Variants in MACROD2 observed in about 807,000 individuals in gnomAD.
The protein encoded by MACROD2 is mono-ADP ribosylhydrolase 2.
A neutral mutation model predicts 70.4 loss-of-function variants in MACROD2; 36 were observed. That is an observed-to-expected ratio of 0.51 (90% CI 0.39 to 0.68). The LOEUF (loss-of-function observed/expected upper bound fraction) is 0.68. Ranked by LOEUF, MACROD2 falls within the 30% of genes least tolerant of loss-of-function variation. MACROD2 has a pLI of 0.00. For missense variants in MACROD2, 496 were observed against 538.4 expected, an observed-to-expected ratio of 0.92 and a Z score of 0.78; for synonymous variants, 172 against 178.8, an observed-to-expected ratio of 0.96 and a Z score of 0.30.
intron 3 of MACROD2, among the ~76,000 whole-genome samples, chr20:14,382,091 T>C (rs1403289675): frequency 2.8e-5 from 4 of 144,476 alleles, no homozygotes; most frequent in African/African-American, 7.8e-5. Flanking sequence ...AGATGGAGTC[T>C]CGCTCTGTCG....
In MACROD2 at chr20:15,503,900, T is replaced by C. The variant is rs146499610; in HGVS notation, c.645+4053T>C. ...CTATGTAATGTGAGTCTCCCATCAGTGCTCATGCTTTTCTTATTCAGCTGA... is the reference window on the plus strand; with the variant it reads ...CTATGTAATGTGAGTCTCCCATCAGCGCTCATGCTTTTCTTATTCAGCTGA... On this transcript the variant is annotated intron_variant, in intron 8 of 17. Coordinates refer to ENST00000684519, the MANE Select transcript of MACROD2 (RefSeq NM_001351661.2). Among the ~76,000 whole-genome samples the C allele has an allele frequency of 3.3e-5, 5 of 152,342 alleles. No individual in the cohort carries two copies. In the East Asian group the frequency reaches 9.6e-4, roughly 29 times the overall value.
intron 4 of MACROD2, among the ~76,000 whole-genome samples, chr20:14,636,071 ATTTATCTTCATG>A (rs976773813): frequency 1.3e-4 from 20 of 152,262 alleles, no homozygotes; most frequent in Middle Eastern, 3.4e-3. Context: ...TTCAAGGTTT[ATTTATCTTCATG>A]TTTACTTGAT....
chr20:14,027,552 G>A (rs746076231), intron 2 of MACROD2, among the ~76,000 whole-genome samples: 6 of 152,072 alleles, frequency 3.9e-5, no homozygotes, highest in South Asian at 2.1e-4. Flanking sequence ...TCTGGTTTTC[G>A]GAATTTTCAG....
chr20:15,607,786 G>A (rs536948291), intron 8 of MACROD2, among the ~76,000 whole-genome samples: 221 of 152,200 alleles, frequency 1.5e-3, no homozygotes, highest in African/African-American at 5.1e-3. Flanking sequence ...TACCCGCCTC[G>A]GCCTCCCAAA....
At chr20:14,827,153 G>T (rs1419999931) in intron 5 of MACROD2, among the ~76,000 whole-genome samples, 1 of 152,010 alleles carries the variant, frequency 6.6e-6, no homozygotes, top group East Asian at 1.9e-4. Context: ...TGCTGTTATG[G>T]AACTACTTTG....
intron 5 of MACROD2, among the ~76,000 whole-genome samples, chr20:15,072,312 A>C (rs1021743465): frequency 6.6e-6 from 1 of 152,200 alleles, no homozygotes; most frequent in Non-Finnish European, 1.5e-5. Flanking sequence ...GTATTTAAAA[A>C]ATAATTCATG....
At chr20:14,240,291 ATAACT>A (rs2081917413) in intron 3 of MACROD2, among the ~76,000 whole-genome samples, 2 of 152,220 alleles carry the variant, frequency 1.3e-5, no homozygotes, top group African/African-American at 4.8e-5. Context: ...GATTTCCAAA[ATAACT>A]TAAAACAGAA....
At chr20:14,407,215 T>G (rs1439038829) in intron 3 of MACROD2, among the ~76,000 whole-genome samples, 2 of 152,140 alleles carry the variant, frequency 1.3e-5, no homozygotes, top group African/African-American at 2.4e-5. Context: ...CTATTTTCTC[T>G]ATTTTTGTTT....
intron 8 of MACROD2, among the ~76,000 whole-genome samples, chr20:15,674,741 ATGTGTGTGTGTGTTGTGTGTGTGTG>A (rs2050032419): frequency 7.5e-6 from 1 of 134,118 alleles, no homozygotes; most frequent in Admixed American, 7.8e-5. Flanking sequence ...GTGTGTGTCT[ATGTGTGTGTGTGTTGTGTGTGTGTG>A]TGTGTGTGTG....
intron 4 of MACROD2, among the ~76,000 whole-genome samples, chr20:14,631,517 T>A (rs1387318143): frequency 2.0e-5 from 3 of 152,200 alleles, no homozygotes; most frequent in Non-Finnish European, 2.9e-5. Context: ...ACGCCTGTAA[T>A]CCCAGCACTT....
chr20:14,539,428 A>G (rs1348247147), intron 4 of MACROD2, among the ~76,000 whole-genome samples: 1 of 152,094 alleles, frequency 6.6e-6, no homozygotes, highest in African/African-American at 2.4e-5. Context: ...AGGTGGTGGT[A>G]GAAGAAGGGA....
At chr20:14,492,098 G>A (rs1041101758) in intron 3 of MACROD2, among the ~76,000 whole-genome samples, 1 of 152,178 alleles carries the variant, frequency 6.6e-6, no homozygotes, top group Non-Finnish European at 1.5e-5. Flanking sequence ...CACTTCAAAA[G>A]CTACAAAGCT....
At chr20:15,690,438 G>A (rs2146876899) in intron 8 of MACROD2, among the ~76,000 whole-genome samples, 1 of 152,244 alleles carries the variant, frequency 6.6e-6, no homozygotes. Context: ...GCCAAGTATG[G>A]GATATCTCTA....
chr20:15,985,809 T>C (rs1320536758), intron 13 of MACROD2: 1 of 152,026 alleles, frequency 6.6e-6, no homozygotes, highest in Non-Finnish European at 1.5e-5. Flanking sequence ...AGACACCGAG[T>C]TGTAGAAGGA....
At chr20:15,801,180 A>G (rs1407012627) in intron 8 of MACROD2, among the ~76,000 whole-genome samples, 1 of 121,608 alleles carries the variant, frequency 8.2e-6, no homozygotes, top group Non-Finnish European at 1.6e-5. Context: ...CCCAAGAATG[A>G]TCAATTAAAA....
At chr20:14,825,598 G>A (rs547612612) in intron 5 of MACROD2, among the ~76,000 whole-genome samples, 1 of 151,978 alleles carries the variant, frequency 6.6e-6, no homozygotes, top group African/African-American at 2.4e-5. Flanking sequence ...CTTTTCCTTC[G>A]CTGTTTGGCA....
chr20:15,442,466 C>T (rs1042102922), intron 7 of MACROD2, among the ~76,000 whole-genome samples: 24 of 152,156 alleles, frequency 1.6e-4, no homozygotes, highest in East Asian at 9.7e-4. Flanking sequence ...AATGCCTTCC[C>T]GAAGGTATTG....
At chr20:14,783,735 G>T (rs997599201) in intron 5 of MACROD2, among the ~76,000 whole-genome samples, 3 of 151,990 alleles carry the variant, frequency 2.0e-5, no homozygotes, top group Non-Finnish European at 4.4e-5. Context: ...AGGAAGAAAA[G>T]CCCATCAATA....
At chr20:15,408,663 T>G (rs2046037101) in intron 6 of MACROD2, among the ~76,000 whole-genome samples, 1 of 152,176 alleles carries the variant, frequency 6.6e-6, no homozygotes, top group Admixed American at 6.5e-5. Flanking sequence ...CCCTGGCCCT[T>G]AGCCTCCAGA....
Sources: gnomAD v4.1 joint callset for allele counts (sites outside exome capture counted in the v4.1 genomes callset) on GRCh38, gnomAD v4.1.1 for gene constraint, MANE v1.5 for transcripts, NCBI Gene and HGNC (gene_info 2026-07-23, HGNC 2026-07-21) for gene names.